KEAP1: variants seen among roughly 807,000 people sequenced by gnomAD.
The protein encoded by KEAP1 is kelch like ECH associated protein 1.
KEAP1 carries 26 observed loss-of-function variants against 59.7 expected under a neutral mutation model. That is an observed-to-expected ratio of 0.44 (90% CI 0.32 to 0.60). The LOEUF (loss-of-function observed/expected upper bound fraction) is 0.60. Among genes scored for constraint, KEAP1 ranks in the 20% least tolerant of loss-of-function variants. The pLI is 0.06. For missense variants in KEAP1, 539 were observed against 871.4 expected (o/e 0.62, Z 4.80); for synonymous variants, 350 against 358.3 (o/e 0.98, Z 0.26).
intron 1 of KEAP1, among the ~76,000 whole-genome samples, chr19:10,501,016 T>A (rs1282355411): frequency 3.3e-5 from 5 of 152,102 alleles, no homozygotes. Flanking sequence ...AGACCAAGCC[T>A]CTTTGAGAAG....
chr19:10,499,915 GC>G lies in KEAP1; in HGVS notation c.118del (p.Ala40ArgfsTer3), dbSNP rs1218159609. ...GCCATGCTGGGAGGGCGTCACCTCC[GC>G]CTTGCACTCAGTGGAGGCGTACATC... ...AVMYASTECK[A>X]EVTPSQHGNR... is the part of the protein sequence containing the mutation. On this transcript the variant is annotated frameshift_variant, in exon 2 of 6. Transcript: ENST00000171111. LOFTEE classifies it high-confidence loss of function. This position sits in a 1 kb window ranked among gnomAD's most constrained non-coding sequence, Gnocchi z 6.7. The G allele has an allele frequency of 6.2e-7, 1 of 1,612,854 alleles. No individual in the cohort carries two copies. Among genetic ancestry groups the G allele is most frequent in the Non-Finnish European group, 8.5e-7 (1 of 1,179,640 alleles).
Position 10,502,640 on chromosome 19 carries a change from G to T in KEAP1, c.-48+601C>A, listed in dbSNP as rs187385357. ...GTTTTCCTGGTCTCCGGGCACGGCC[G>T]CAGGGGCGCTCGCGGCCCGCGATGC... On this transcript the variant is annotated intron_variant, in intron 1 of 5. Coordinates refer to ENST00000171111, the MANE Select transcript of KEAP1 (RefSeq NM_203500.2). The surrounding 1 kb of genome is among the most constrained non-coding windows in gnomAD (Gnocchi z 4.0). The T allele has an allele frequency of 1.3e-5, 2 of 152,018 alleles. No homozygotes were observed. The highest frequency in any genetic ancestry group is 1.3e-4 in the Admixed American group (2 of 15,270). 9.4% of individuals were successfully genotyped at this position (152,018 alleles called of 1,614,324 possible). A position where few individuals can be genotyped will look rare whatever the true frequency, so the allele number is the denominator to read the frequency against.
At chr19:10,502,000 C>T (rs1239184080) in intron 1 of KEAP1, among the ~76,000 whole-genome samples, 2 of 152,214 alleles carry the variant, frequency 1.3e-5, no homozygotes, top group East Asian at 3.8e-4. Context: ...GAAATGACCT[C>T]CTTTGCTTGT....
chr19:10,500,323 A>G (rs1392032863), intron 1 of KEAP1, among the ~76,000 whole-genome samples: 1 of 152,192 alleles, frequency 6.6e-6, no homozygotes, highest in Non-Finnish European at 1.5e-5. Flanking sequence ...TGCCTCCCAC[A>G]GTACCTAGTA....
chr19:10,498,867 G>A (rs893336694), intron 2 of KEAP1, among the ~76,000 whole-genome samples: 4 of 148,596 alleles, frequency 2.7e-5, no homozygotes, highest in African/African-American at 9.9e-5. Context: ...ACTGAGTCTT[G>A]CTCTGTTGCG....
rs773704533 is a variant in KEAP1, at chr19:10,489,293, C to T, written c.1607G>A (p.Arg536His). ...CCACGTCTCTGTTTCCACATCGTAG[C>T]GCTCCACGCTGTTCAGCTGGTCCTG... Reference protein sequence around the residue: ...DGQDQLNSVERYDVETETWTF... With the variant: ...DGQDQLNSVEHYDVETETWTF... Residue 536 changes from arginine to histidine, a missense_variant, in exon 5 of 6, where the codon CGC (arginine) becomes CAC (histidine). Physicochemically the swap from Arg to His is conservative, Grantham distance 29. Around this residue, in one of 4 missense-constraint regions of KEAP1, gnomAD observed 311 missense variants for 425.2 expected, o/e 0.73. Coordinates refer to ENST00000171111, the MANE Select transcript of KEAP1 (RefSeq NM_203500.2). 27 of 1,613,886 alleles carry T rather than the reference C, an allele frequency of 1.7e-5. No individual in the cohort carries two copies. The highest frequency in any genetic ancestry group is 6.7e-5 in the Admixed American group (4 of 59,952).
intron 5 of KEAP1, among the ~76,000 whole-genome samples, chr19:10,487,769 G>A (rs914061509): frequency 2.0e-5 from 3 of 152,114 alleles, no homozygotes; most frequent in Admixed American, 1.3e-4. Flanking sequence ...GCTGAGGCAG[G>A]TGGATCACCT....
At chr19:10,489,466 T>A in intron 4 of KEAP1, 98 bp from the exon 5 acceptor site, 2 of 1,329,868 alleles carry the variant, frequency 1.5e-6, no homozygotes, top group Non-Finnish European at 2.1e-6. Context: ...CTCCTCTCCC[T>A]TCTCACCCTC....
chr19:10,494,421 C>T (rs916838731), intron 2 of KEAP1, among the ~76,000 whole-genome samples: 2 of 147,594 alleles, frequency 1.4e-5, no homozygotes, highest in African/African-American at 2.5e-5. Context: ...AGCTCCACCT[C>T]CCGGGTTCAC....
intron 2 of KEAP1, among the ~76,000 whole-genome samples, chr19:10,494,264 C>G (rs1914774803): frequency 6.7e-6 from 1 of 148,614 alleles, no homozygotes; most frequent in African/African-American, 2.5e-5. Flanking sequence ...CTCTTGAGCT[C>G]AAATGATTCT....
At position 10,491,548 on chromosome 19, in the gene KEAP1, C is replaced by G. The variant is rs771346608; in HGVS notation, c.1325+29G>C. 4.0e-6 allele frequency: 6 copies of G among 1,487,650 alleles called. No individual in the cohort carries two copies. Among genetic ancestry groups the G allele is most frequent in the South Asian group, 1.4e-5 (1 of 72,070 alleles). The allele number at this position is 1,487,650 out of a possible 1,614,324, so 92.2% of individuals were successfully genotyped here. A position where few individuals can be genotyped will look rare whatever the true frequency, so the allele number is the denominator to read the frequency against. ...GGGACTTGCCAGGAGCAGGACCCTC[C>G]GAGCCCACCCCCAGGCCCTGCCACT... On this transcript the variant is annotated intron_variant, in intron 3 of 5. Transcript: ENST00000171111. This position sits in a 1 kb window ranked among gnomAD's most constrained non-coding sequence, Gnocchi z 5.2.
rs2144603830 is a variant in KEAP1 at position 10,492,136 on chromosome 19, C to G, written c.766G>C (p.Asp256His). ...ACGTAGAACCGTCGCTGTTCGCAGT[C>G]GTACTTGACCCAGTTGATGCAGGCG... ...FHACINWVKY[D>H]CEQRRFYVQA... The change falls in exon 3 of 6, where the codon GAC (aspartate) becomes CAC (histidine). Residue 256 changes from aspartate (D) to histidine (H), a missense_variant. Around this residue, in one of 4 missense-constraint regions of KEAP1, gnomAD observed 61 missense variants for 129.9 expected, o/e 0.47. Coordinates refer to ENST00000171111, the MANE Select transcript of KEAP1 (RefSeq NM_203500.2). 1 of 1,613,996 alleles carries G rather than the reference C, an allele frequency of 6.2e-7. No individual in the cohort carries two copies. The highest frequency in any genetic ancestry group is 8.5e-7 in the Non-Finnish European group (1 of 1,180,030).
chr19:10,501,443 C>T lies in KEAP1; in HGVS notation c.-47-1363G>A, dbSNP rs539600644. Among the ~76,000 whole-genome samples the T allele has an allele frequency of 2.5e-3, 385 of 151,954 alleles. 4 individuals are homozygous for T. The highest frequency in any genetic ancestry group is 8.8e-3 in the African/African-American group (367 of 41,504). ...AGAAGATCGAGACCATCCTGGCTAA[C>T]ATGGTGAAACCCCATCTCTACTAAA... is the stretch of plus-strand genomic sequence containing the variant. On this transcript the variant is annotated intron_variant, in intron 1 of 5. Transcript: ENST00000171111.
In KEAP1 at chr19:10,491,685, C is replaced by T. The variant is rs1009137340; in HGVS notation, c.1217G>A (p.Cys406Tyr). The stretch of plus-strand genomic sequence containing the variant: ...GTTACGGGGCACGCTCATGGGGGCG[C>T]AGGGCGACCACTGATTGGTCATGGG... ...YNPMTNQWSP[C>Y]APMSVPRNRI... The change falls in exon 3 of 6, where the codon TGC becomes TAC. Residue 406 changes from cysteine to tyrosine, a missense_variant. This residue lies in a region of KEAP1 where 311 missense variants were observed against 425.2 expected (regional missense o/e 0.73). Coordinates refer to ENST00000171111, the MANE Select transcript of KEAP1 (RefSeq NM_203500.2). The surrounding 1 kb of genome is among the most constrained non-coding windows in gnomAD (Gnocchi z 5.2). 6.3e-7 allele frequency: 1 copy of T among 1,576,434 alleles called. No homozygotes were observed.
intron 2 of KEAP1, among the ~76,000 whole-genome samples, chr19:10,498,691 A>AT (rs1264758311): frequency 4.6e-5 from 7 of 152,106 alleles, no homozygotes; most frequent in African/African-American, 1.7e-4. Flanking sequence ...CTACCCTAGG[A>AT]TTTGGCTGCT....
chr19:10,491,567 T>C lies in KEAP1; in HGVS notation c.1325+10A>G, dbSNP rs2144595969. 20 of 1,502,810 alleles carry C rather than the reference T, an allele frequency of 1.3e-5. No homozygotes were observed. The highest frequency in any genetic ancestry group is 1.7e-5 in the Non-Finnish European group (19 of 1,126,036). 93.1% of individuals were successfully genotyped at this position (1,502,810 alleles called of 1,614,324 possible). A position where few individuals can be genotyped will look rare whatever the true frequency, so the allele number is the denominator to read the frequency against. Reference sequence around the variant, plus strand: ...ACCCTCCGAGCCCACCCCCAGGCCCTGCCACTCACCTCTCCACACTGTTGT... The same window carrying C: ...ACCCTCCGAGCCCACCCCCAGGCCCCGCCACTCACCTCTCCACACTGTTGT... On this transcript the variant is annotated intron_variant, in intron 3 of 5. Coordinates refer to ENST00000171111, the MANE Select transcript of KEAP1 (RefSeq NM_203500.2). This position sits in a 1 kb window ranked among gnomAD's most constrained non-coding sequence, Gnocchi z 5.2.
intron 2 of KEAP1, among the ~76,000 whole-genome samples, chr19:10,496,372 T>C (rs977140767): frequency 6.6e-6 from 1 of 151,206 alleles, no homozygotes; most frequent in Non-Finnish European, 1.5e-5. Context: ...GACACATGCC[T>C]ATAATCCCAG....
chr19:10,501,333 G>A (rs1915037045), intron 1 of KEAP1, among the ~76,000 whole-genome samples: 1 of 150,730 alleles, frequency 6.6e-6, no homozygotes, highest in Admixed American at 6.6e-5. Flanking sequence ...TGCCTCCCGA[G>A]TTCAAGATAT....
intron 2 of KEAP1, among the ~76,000 whole-genome samples, chr19:10,495,156 G>A (rs1219544857): frequency 6.6e-6 from 1 of 151,650 alleles, no homozygotes; most frequent in Non-Finnish European, 1.5e-5. Context: ...GAGATGGGAT[G>A]TCTGAGTTTA....
Sources: allele counts gnomAD v4.1 joint callset (sites outside exome capture counted in the v4.1 genomes callset), GRCh38; gene constraint gnomAD v4.1.1; regional missense constraint gnomAD v4.1.1; non-coding constraint Gnocchi (gnomAD v3.1); transcripts MANE v1.5; gene names NCBI Gene and HGNC (gene_info 2026-07-23, HGNC 2026-07-21).